AKNAD1: variants seen among roughly 807,000 people sequenced by gnomAD.
AKNAD1 encodes the protein AKNA domain containing 1, also known as protein AKNAD1.
AKNAD1 carries 67 observed loss-of-function variants against 90.8 expected under a neutral mutation model. The ratio of observed to expected loss-of-function variants is 0.74; its 90% CI spans 0.61 to 0.90. The LOEUF (loss-of-function observed/expected upper bound fraction) is 0.90, where lower values mean the gene tolerates loss of function less well. Among genes scored for constraint, AKNAD1 ranks in the 40% least tolerant of loss-of-function variants. The pLI is 0.00. For synonymous variants in AKNAD1, 327 were observed against 341.4 expected (o/e 0.96, Z 0.46); for missense variants, 957 against 975.4 (o/e 0.98, Z 0.25).
chr1:108,829,092 G>A (rs1355370481), intron 10 of AKNAD1, among the ~76,000 whole-genome samples: 1 of 151,792 alleles, frequency 6.6e-6, no homozygotes, highest in African/African-American at 2.4e-5. Flanking sequence ...CCATCAGAGA[G>A]AGATTTAATC....
At position 108,852,540 on chromosome 1, in the gene AKNAD1, T is replaced by C; in HGVS notation, c.125A>G (p.Glu42Gly). Residue 42 changes from glutamate to glycine, a missense_variant, in exon 2 of 16, where the codon GAA becomes GGA. Glu to Gly is a moderately conservative substitution (Grantham distance 98). Transcript: ENST00000370001. ...YSFTSKKDGLEVLNQIIFIAD... is the reference protein window; with the variant it reads ...YSFTSKKDGLGVLNQIIFIAD... ...TATGAAAATAATTTGATTTAAGACT[T>C]CAAGGCCATCCTTTTTTGAGGTAAA... 1 of 1,614,198 alleles carries C rather than the reference T, an allele frequency of 6.2e-7. No homozygotes were observed. Among genetic ancestry groups the C allele is most frequent in the South Asian group, 1.1e-5 (1 of 91,076 alleles).
Position 108,823,434 on chromosome 1 carries a change from AT to A in AKNAD1, c.2102del (p.Asn701IlefsTer14), listed in dbSNP as rs1663886513. 3 of 1,614,068 alleles carry A rather than the reference AT, an allele frequency of 1.9e-6. No homozygotes were observed. Among genetic ancestry groups the A allele is most frequent in the African/African-American group, 1.3e-5 (1 of 74,920 alleles). Reference sequence around the variant, plus strand: ...GGACAAAGGCACCTCTTTTGCTATGATTTGAGTAATTCTGTCCTGGAGTGTT... The same window carrying A: ...GGACAAAGGCACCTCTTTTGCTATGATTGAGTAATTCTGTCCTGGAGTGTT... ...RYNTPGQNYSNHSKRGAFVQP... is the reference protein window; with the variant it reads ...RYNTPGQNYSXHSKRGAFVQP... On this transcript the variant is annotated frameshift_variant, in exon 13 of 16. Transcript: ENST00000370001. LOFTEE classifies it high-confidence loss of function.
intron 5 of AKNAD1, among the ~76,000 whole-genome samples, chr1:108,848,064 G>A (rs1325484563): frequency 6.6e-6 from 1 of 152,158 alleles, no homozygotes; most frequent in African/African-American, 2.4e-5. Flanking sequence ...ATGCTGCTAG[G>A]TTTCTGAAGC....
At position 108,848,683 on chromosome 1, in the gene AKNAD1, A is replaced by T; in HGVS notation, c.1245+69T>A. Reference sequence around the variant, plus strand: ...CACTGTAGAGAAAACATGGCACTATAAAGTTATTTATCTTTATCCAAGCCA... The same window carrying T: ...CACTGTAGAGAAAACATGGCACTATTAAGTTATTTATCTTTATCCAAGCCA... On this transcript the variant is annotated intron_variant, in intron 5 of 15. Coordinates refer to ENST00000370001, the MANE Select transcript of AKNAD1 (RefSeq NM_152763.5). The T allele has an allele frequency of 2.2e-6, 3 of 1,392,242 alleles. No homozygotes were observed. In the South Asian group the frequency reaches 3.8e-5, roughly 18 times the overall value. The allele number at this position is 1,392,242 out of a possible 1,614,324, so 86.2% of individuals were successfully genotyped here.
intron 5 of AKNAD1, among the ~76,000 whole-genome samples, chr1:108,848,452 T>A (rs1149143): frequency 6.6e-6 from 1 of 152,070 alleles, no homozygotes; most frequent in Non-Finnish European, 1.5e-5. Context: ...ACAGGCCCAC[T>A]CTTTATAACT....
chr1:108,831,848 G>A (rs992261870), intron 9 of AKNAD1, among the ~76,000 whole-genome samples: 1 of 151,962 alleles, frequency 6.6e-6, no homozygotes, highest in African/African-American at 2.4e-5. Context: ...CTGGTCTTGA[G>A]CTCCTGACCT....
At chr1:108,831,793 A>AT (rs1664207255) in intron 9 of AKNAD1, among the ~76,000 whole-genome samples, 1 of 151,828 alleles carries the variant, frequency 6.6e-6, no homozygotes, top group Non-Finnish European at 1.5e-5. Context: ...CCCCCAGCTA[A>AT]TTTTTTGTAT....
intron 5 of AKNAD1, 164 bp from the exon 6 acceptor site, chr1:108,843,431 A>G: frequency 1.2e-6 from 1 of 809,472 alleles, no homozygotes; most frequent in Non-Finnish European, 1.9e-6. Context: ...CATCTAAACT[A>G]CAGACAACCC....
chr1:108,857,776 C>T (rs1570838524), upstream of AKNAD1, among the ~76,000 whole-genome samples: 1 of 152,174 alleles, frequency 6.6e-6, no homozygotes, highest in Non-Finnish European at 1.5e-5. Flanking sequence ...AGTACAACCA[C>T]GTAACACTCA....
intron 5 of AKNAD1, among the ~76,000 whole-genome samples, chr1:108,847,949 G>GA (rs1664746315): frequency 6.6e-6 from 1 of 152,212 alleles, no homozygotes; most frequent in African/African-American, 2.4e-5. Flanking sequence ...CTGGGACATA[G>GA]AAAGTGCCTG....
At chr1:108,843,425 T>A in intron 5 of AKNAD1, 158 bp from the exon 6 acceptor site, 1 of 865,168 alleles carries the variant, frequency 1.2e-6, no homozygotes, top group Non-Finnish European at 1.7e-6. Context: ...GTCTGACATC[T>A]AAACTACAGA....
upstream of AKNAD1, chr1:108,857,517 T>A (rs1665083360): frequency 6.6e-6 from 1 of 152,650 alleles, no homozygotes; most frequent in Non-Finnish European, 1.5e-5. Context: ...TGACATTTCT[T>A]CTATTCGCTA....
chr1:108,817,482 C>CTT lies in AKNAD1; in HGVS notation c.2250-307_2250-306dup, dbSNP rs386368009. The stretch of plus-strand genomic sequence containing the variant: ...TTTTCATTCTTTTGGGGCCAACTTT[C>CTT]TTTTTTTTTTTTTAATTTTTTTTTT... On this transcript the variant is annotated intron_variant, in intron 14 of 15. Transcript: ENST00000370001. 227 of 103,190 alleles carry CTT rather than the reference C, an allele frequency of 2.2e-3. 1 individual carries two copies. Among genetic ancestry groups the CTT allele is most frequent in the East Asian group, 5.6e-3 (20 of 3,574 alleles). 6.4% of individuals were successfully genotyped at this position (103,190 alleles called of 1,614,324 possible).
Position 108,823,586 on chromosome 1 carries a change from C to A in AKNAD1, c.2039G>T (p.Cys680Phe), listed in dbSNP as rs866205366. ...GTKIPTSRRA[C>F]RKEPTKEFHY... Reference sequence around the variant, plus strand: ...GTTACCTTTAGTTGGTTCTTTCCTGCAGGCTCTTCGGGAGGTAGGAATCTT... The same window carrying A: ...GTTACCTTTAGTTGGTTCTTTCCTGAAGGCTCTTCGGGAGGTAGGAATCTT... Residue 680 changes from cysteine (C) to phenylalanine (F), a missense_variant, in exon 12 of 16, where the codon TGC becomes TTC. Cys to Phe is a radical substitution (Grantham distance 205). Coordinates refer to ENST00000370001, the MANE Select transcript of AKNAD1 (RefSeq NM_152763.5). 8.7e-6 allele frequency: 14 copies of A among 1,614,048 alleles called. No individual in the cohort carries two copies. Among genetic ancestry groups the A allele is most frequent in the Middle Eastern group, 1.6e-4 (1 of 6,084 alleles).
chr1:108,844,302 G>A (rs150069012), intron 5 of AKNAD1, among the ~76,000 whole-genome samples: 7 of 152,080 alleles, frequency 4.6e-5, no homozygotes, highest in African/African-American at 1.7e-4. Flanking sequence ...GGCAGAGGTT[G>A]CAGTGAGCCA....
chr1:108,818,765 C>T (rs1663712202), intron 14 of AKNAD1, among the ~76,000 whole-genome samples: 1 of 151,758 alleles, frequency 6.6e-6, no homozygotes, highest in African/African-American at 2.4e-5. Flanking sequence ...GAGTTGGAGC[C>T]CAGCCTGGTC....
At chr1:108,820,786 G>A (rs1440558175) in intron 13 of AKNAD1, among the ~76,000 whole-genome samples, 160 bp from the exon 14 acceptor site, 2 of 152,134 alleles carry the variant, frequency 1.3e-5, no homozygotes, top group Non-Finnish European at 2.9e-5. Context: ...CTTTTGCTGG[G>A]CGCGGTGGCT....
rs537309052 is a variant in AKNAD1 at position 108,851,593 on chromosome 1, T to C, written c.993+79A>G. The C allele has an allele frequency of 6.3e-5, 87 of 1,391,602 alleles. No individual in the cohort carries two copies. In the East Asian group the frequency reaches 1.9e-3, roughly 30 times the overall value. 86.2% of individuals were successfully genotyped at this position (1,391,602 alleles called of 1,614,324 possible). A position where few individuals can be genotyped will look rare whatever the true frequency, so the allele number is the denominator to read the frequency against. ...ACTTTGGAACTAGAACCAAGCTCTATTCACCCTCCAAAAACCCACACTGAA... is the reference window on the plus strand; with the variant it reads ...ACTTTGGAACTAGAACCAAGCTCTACTCACCCTCCAAAAACCCACACTGAA... On this transcript the variant is annotated intron_variant, in intron 2 of 15. Transcript: ENST00000370001.
chr1:108,844,197 T>A (rs1664636328), intron 5 of AKNAD1, among the ~76,000 whole-genome samples: 1 of 152,152 alleles, frequency 6.6e-6, no homozygotes, highest in African/African-American at 2.4e-5. Context: ...ACCCCATCTC[T>A]ATTAAAAATA....
Sources: allele counts gnomAD v4.1 joint callset (sites outside exome capture counted in the v4.1 genomes callset), GRCh38; gene constraint gnomAD v4.1.1; transcripts MANE v1.5; gene names NCBI Gene and HGNC (gene_info 2026-07-23, HGNC 2026-07-21).